ANKS1B: variants seen among roughly 807,000 people sequenced by gnomAD.
ANKS1B encodes ankyrin repeat and sterile alpha motif domain-containing protein 1B.
A neutral mutation model predicts 148.3 loss-of-function variants in ANKS1B; 36 were observed. The observed-to-expected ratio is 0.24, with a 90% CI of 0.19 to 0.32. The LOEUF is 0.32. Ranked by LOEUF, ANKS1B falls within the 10% of genes least tolerant of loss-of-function variation. ANKS1B has a pLI of 1.00. For missense variants in ANKS1B, 1,157 were observed against 1,542.6 expected, an observed-to-expected ratio of 0.75 and a Z score of 4.19; for synonymous variants, 542 against 560.8, an observed-to-expected ratio of 0.97 and a Z score of 0.47.
intron 14 of ANKS1B, among the ~76,000 whole-genome samples, chr12:99,230,526 C>T (rs2086673431): frequency 6.6e-6 from 1 of 152,102 alleles, no homozygotes; most frequent in Admixed American, 6.6e-5. Flanking sequence ...CAGAATAATA[C>T]TCAACTATTT....
At chr12:98,874,700 G>A (rs1458223825) in intron 17 of ANKS1B, among the ~76,000 whole-genome samples, 1 of 152,088 alleles carries the variant, frequency 6.6e-6, no homozygotes, top group Non-Finnish European at 1.5e-5. Context: ...GAAAATGCAA[G>A]CTAACAAATA....
chr12:99,249,738 C>T lies in ANKS1B; in HGVS notation c.1757-2874G>A, dbSNP rs145500150. On this transcript the variant is annotated intron_variant, in intron 12 of 26. Coordinates refer to ENST00000683438, the MANE Select transcript of ANKS1B (RefSeq NM_001352186.2). ...TATCTAGTCCTCTCACGCTGACTCC[C>T]TCACAGCGTGGCCATGTGCCTTGTA... Among the ~76,000 whole-genome samples the T allele has an allele frequency of 3.3e-3, 509 of 152,290 alleles. 15 individuals carry two copies. In the East Asian group the frequency reaches 0.062, roughly 19 times the overall value.
intron 12 of ANKS1B, among the ~76,000 whole-genome samples, chr12:99,341,458 T>G (rs2089907482): frequency 2.0e-5 from 3 of 152,228 alleles, no homozygotes; most frequent in African/African-American, 7.2e-5. Context: ...ACACCTAGAT[T>G]TAAGAGATTT....
intron 1 of ANKS1B, among the ~76,000 whole-genome samples, chr12:99,829,908 C>G (rs1254118946): frequency 1.3e-5 from 2 of 152,114 alleles, no homozygotes; most frequent in African/African-American, 2.4e-5. Context: ...AAAGAAATAA[C>G]TGAAGTGAGT....
chr12:98,836,577 G>A (rs1409168111), intron 17 of ANKS1B, among the ~76,000 whole-genome samples: 1 of 152,136 alleles, frequency 6.6e-6, no homozygotes, highest in Non-Finnish European at 1.5e-5. Flanking sequence ...AGTGAGAAAG[G>A]CTTTATAGCA....
At chr12:99,192,131 C>CAAAAAAAA (rs35767286) in intron 14 of ANKS1B, among the ~76,000 whole-genome samples, 4 of 57,810 alleles carry the variant, frequency 6.9e-5, no homozygotes, top group Admixed American at 2.9e-4. Flanking sequence ...GACTCCATCT[C>CAAAAAAAA]AAAAAAAAAA....
intron 14 of ANKS1B, among the ~76,000 whole-genome samples, chr12:99,189,949 T>G (rs1335069566): frequency 6.6e-6 from 1 of 152,216 alleles, no homozygotes; most frequent in Non-Finnish European, 1.5e-5. Context: ...CCCCATCGTC[T>G]CAGTTCAAAA....
chr12:98,894,808 G>T, intron 17 of ANKS1B: 1 of 984,080 alleles, frequency 1.0e-6, no homozygotes, highest in Non-Finnish European at 1.2e-6. Flanking sequence ...GAGGAAGGGC[G>T]GGAGAGGCGC....
At chr12:99,499,304 G>A (rs560033255) in intron 10 of ANKS1B, among the ~76,000 whole-genome samples, 1 of 152,116 alleles carries the variant, frequency 6.6e-6, no homozygotes, top group Non-Finnish European at 1.5e-5. Flanking sequence ...AATTAAGCCT[G>A]GGTCAACTGA....
rs375749103 is a variant in ANKS1B, at chr12:98,745,326, C to G, written c.*413G>C. 3.3e-5 allele frequency: 32 copies of G among 982,704 alleles called. No homozygotes were observed. The highest frequency in any genetic ancestry group is 3.7e-5 in the Non-Finnish European group (31 of 830,552). The allele number at this position is 982,704 out of a possible 1,614,324, so 60.9% of individuals were successfully genotyped here. On this transcript the variant is annotated 3_prime_UTR_variant, in exon 27 of 27. Coordinates refer to ENST00000683438, the MANE Select transcript of ANKS1B (RefSeq NM_001352186.2). ...TGCTGCTCTGATTTCACCTTTAAAACTGCTGACAGTGAAAGCATACTTTTA... is the reference window on the plus strand; with the variant it reads ...TGCTGCTCTGATTTCACCTTTAAAAGTGCTGACAGTGAAAGCATACTTTTA...
intron 22 of ANKS1B, among the ~76,000 whole-genome samples, chr12:98,783,198 C>T (rs986223271): frequency 1.3e-5 from 2 of 152,210 alleles, no homozygotes; most frequent in Non-Finnish European, 2.9e-5. Flanking sequence ...GTTCAGCAAT[C>T]GAGTTGTTAC....
chr12:99,465,381 C>T (rs1306308880), intron 10 of ANKS1B, among the ~76,000 whole-genome samples: 2 of 152,172 alleles, frequency 1.3e-5, no homozygotes, highest in Non-Finnish European at 2.9e-5. Flanking sequence ...GAAACTGCAT[C>T]AACTAACGAG....
chr12:98,984,306 A>T (rs1172925310), intron 17 of ANKS1B, among the ~76,000 whole-genome samples: 1 of 152,196 alleles, frequency 6.6e-6, no homozygotes, highest in African/African-American at 2.4e-5. Flanking sequence ...TATAGTATAC[A>T]CTCAGACTTT....
At chr12:99,196,264 C>T (rs2081369239) in intron 14 of ANKS1B, among the ~76,000 whole-genome samples, 1 of 152,108 alleles carries the variant, frequency 6.6e-6, no homozygotes, top group Admixed American at 6.6e-5. Flanking sequence ...TCCAAGTAGT[C>T]CATTTAAAGG....
At position 98,868,738 on chromosome 12, in the gene ANKS1B, T is replaced by C. The variant is rs115306232; in HGVS notation, c.2779-36602A>G. ...CATGAGACCTGACCCCATCTGATTA[T>C]TGCTCAGCAAATGGGGGCTGTCCTG... On this transcript the variant is annotated intron_variant, in intron 17 of 26. Transcript: ENST00000683438. Among the ~76,000 whole-genome samples the C allele has an allele frequency of 2.4e-3, 372 of 152,372 alleles. 1 individual carries two copies. Among genetic ancestry groups the C allele is most frequent in the African/African-American group, 8.4e-3 (350 of 41,600 alleles).
intron 14 of ANKS1B, among the ~76,000 whole-genome samples, chr12:99,161,659 A>C (rs758963038): frequency 6.6e-6 from 1 of 152,250 alleles, no homozygotes; most frequent in Non-Finnish European, 1.5e-5. Flanking sequence ...AAACAGAGAA[A>C]GACAGTTATG....
intron 17 of ANKS1B, among the ~76,000 whole-genome samples, chr12:98,868,621 G>A (rs985908360): frequency 6.6e-6 from 1 of 152,180 alleles, no homozygotes; most frequent in African/African-American, 2.4e-5. Context: ...CGAATGTGTT[G>A]ACTATCTTTT....
intron 8 of ANKS1B, among the ~76,000 whole-genome samples, chr12:99,695,637 C>T (rs2053775540): frequency 6.6e-6 from 1 of 152,032 alleles, no homozygotes; most frequent in African/African-American, 2.4e-5. Flanking sequence ...TCATAATAAA[C>T]CAAACACCGC....
At chr12:99,459,925 C>G (rs1158742763) in intron 10 of ANKS1B, among the ~76,000 whole-genome samples, 1 of 151,890 alleles carries the variant, frequency 6.6e-6, no homozygotes, top group Admixed American at 6.6e-5. Context: ...TCATACGGAC[C>G]CCAAAAAGAG....
Sources: gnomAD v4.1 joint callset for allele counts (sites outside exome capture counted in the v4.1 genomes callset) on GRCh38, gnomAD v4.1.1 for gene constraint, MANE v1.5 for transcripts, NCBI Gene and HGNC (gene_info 2026-07-23, HGNC 2026-07-21) for gene names.